The following ZFAND3 variants were observed in gnomAD, a reference collection of about 807,000 sequenced individuals.
ZFAND3 encodes the protein AN1-type zinc finger protein 3.
A neutral mutation model predicts 29.6 loss-of-function variants in ZFAND3; 10 were observed. That is an observed-to-expected ratio of 0.34 (90% confidence interval 0.21 to 0.57). ZFAND3 has a LOEUF of 0.57. Ranked by LOEUF, ZFAND3 falls within the 20% of genes least tolerant of loss-of-function variation. The pLI is 0.86. For synonymous variants in ZFAND3, 128 were observed against 112.6 expected, an observed-to-expected ratio of 1.14 and a Z score of -0.87; for missense variants, 230 against 304.5, an observed-to-expected ratio of 0.76 and a Z score of 1.82.
chr6:37,958,348 G>A (rs1327562543), intron 2 of ZFAND3, among the ~76,000 whole-genome samples: 1 of 150,580 alleles, frequency 6.6e-6, no homozygotes, highest in African/African-American at 2.4e-5. Context: ...CAGCTCCTCG[G>A]GAGGCTGAGG....
At chr6:37,856,826 A>AT (rs1168827663) in intron 1 of ZFAND3, among the ~76,000 whole-genome samples, 6 of 151,886 alleles carry the variant, frequency 4.0e-5, no homozygotes, top group Middle Eastern at 6.8e-3. Flanking sequence ...TTTTATTTTT[A>AT]TTTTTTTTGA....
At chr6:37,976,237 T>C (rs1762475496) in intron 2 of ZFAND3, among the ~76,000 whole-genome samples, 1 of 152,156 alleles carries the variant, frequency 6.6e-6, no homozygotes. Context: ...TATTATTTAT[T>C]CATTGGGTTT....
At chr6:38,114,618 C>T (rs997832170) in intron 4 of ZFAND3, among the ~76,000 whole-genome samples, 5 of 152,196 alleles carry the variant, frequency 3.3e-5, no homozygotes, top group African/African-American at 1.2e-4. Context: ...CAGTACAGCA[C>T]AGCAGGGCTG....
At chr6:37,926,332 CTTCCT>C (rs1761483770) in intron 1 of ZFAND3, among the ~76,000 whole-genome samples, 1 of 152,180 alleles carries the variant, frequency 6.6e-6, no homozygotes, top group Admixed American at 6.5e-5. Context: ...TCTGGGAGGG[CTTCCT>C]TCCCTCCAAG....
intron 2 of ZFAND3, among the ~76,000 whole-genome samples, chr6:38,019,351 C>T (rs1428192939): frequency 1.3e-5 from 2 of 152,148 alleles, no homozygotes; most frequent in African/African-American, 4.8e-5. Flanking sequence ...ATTCAGATTT[C>T]TGTGAATTTT....
chr6:37,827,555 C>T (rs925914389), intron 1 of ZFAND3, among the ~76,000 whole-genome samples: 5 of 152,072 alleles, frequency 3.3e-5, no homozygotes, highest in Non-Finnish European at 7.4e-5. Flanking sequence ...TTCAGGTTAC[C>T]ATATATAGAG....
intron 2 of ZFAND3, among the ~76,000 whole-genome samples, chr6:38,021,166 A>G (rs746331321): frequency 6.6e-6 from 1 of 152,198 alleles, no homozygotes; most frequent in Non-Finnish European, 1.5e-5. Context: ...TTAAAGTTGT[A>G]TATAGCACCC....
chr6:37,977,053 T>C (rs1304008909), intron 2 of ZFAND3, among the ~76,000 whole-genome samples: 1 of 152,206 alleles, frequency 6.6e-6, no homozygotes, highest in Non-Finnish European at 1.5e-5. Flanking sequence ...AGAAATGCAT[T>C]GTTAGGCAAT....
At chr6:38,079,880 T>C (rs139832984) in intron 3 of ZFAND3, among the ~76,000 whole-genome samples, 224 of 152,264 alleles carry the variant, frequency 1.5e-3, no homozygotes, top group Middle Eastern at 0.014. Flanking sequence ...AACTTGTATT[T>C]TAAAAAATGA....
At chr6:38,116,374 G>C (rs1418813787) in intron 4 of ZFAND3, among the ~76,000 whole-genome samples, 198 bp from the exon 5 acceptor site, 1 of 152,176 alleles carries the variant, frequency 6.6e-6, no homozygotes, top group Non-Finnish European at 1.5e-5. Flanking sequence ...GGCCTAGCTT[G>C]TTAGAAGTCA....
At chr6:37,974,383 A>ACT (rs58472302) in intron 2 of ZFAND3, among the ~76,000 whole-genome samples, 32 of 104,492 alleles carry the variant, frequency 3.1e-4, no homozygotes, top group African/African-American at 1.0e-3. Flanking sequence ...TGCATTATAT[A>ACT]CTCTCTCTCT....
chr6:37,879,338 T>TG (rs889338726), intron 1 of ZFAND3, among the ~76,000 whole-genome samples: 117 of 150,084 alleles, frequency 7.8e-4, no homozygotes, highest in African/African-American at 2.7e-3. Context: ...TTTTTTGTTT[T>TG]GTTTTTTTTT....
intron 2 of ZFAND3, among the ~76,000 whole-genome samples, chr6:38,061,169 G>A (rs1581883684): frequency 6.6e-6 from 1 of 152,064 alleles, no homozygotes; most frequent in Non-Finnish European, 1.5e-5. Flanking sequence ...TACCATTACT[G>A]ACATATTTGT....
Position 38,152,866 on chromosome 6 carries a change from CCA to C in ZFAND3, c.*479_*480del. 1.0e-6 allele frequency: 1 copy of C among 986,030 alleles called. No homozygotes were observed. The highest frequency in any genetic ancestry group is 1.7e-5 in the African/African-American group (1 of 57,340). The allele number at this position is 986,030 out of a possible 1,614,324, so 61.1% of individuals were successfully genotyped here. A position where few individuals can be genotyped will look rare whatever the true frequency, so the allele number is the denominator to read the frequency against. ...TCCCAGTAGCCAGGATACCTGATGG[CCA>C]CGTGTGCCTTGGCCACGGGAGGCTG... On this transcript the variant is annotated 3_prime_UTR_variant, in exon 6 of 6. Coordinates refer to ENST00000287218, the MANE Select transcript of ZFAND3 (RefSeq NM_021943.3).
intron 1 of ZFAND3, among the ~76,000 whole-genome samples, chr6:37,922,337 A>T (rs1761397061): frequency 6.6e-6 from 1 of 152,196 alleles, no homozygotes; most frequent in South Asian, 2.1e-4. Context: ...CAGTAGTAAG[A>T]GTGTGACTAC....
At chr6:37,822,433 C>T (rs11752692) in intron 1 of ZFAND3, among the ~76,000 whole-genome samples, 10,239 of 152,256 alleles carry the variant, frequency 0.067, 411 homozygotes, top group Non-Finnish European at 0.085. Context: ...ACATTGCCGC[C>T]TTGTTTCCAT....
Position 38,111,157 on chromosome 6 carries a change from G to A in ZFAND3, c.362-5415G>A, listed in dbSNP as rs188306887. ...AGTCTTAACACTACTTTCTGAGACT[G>A]GCTAGGAAAGTACAATTAGAAGAAT... is the stretch of plus-strand genomic sequence containing the variant. On this transcript the variant is annotated intron_variant, in intron 4 of 5. Transcript: ENST00000287218. Among the ~76,000 whole-genome samples the A allele has an allele frequency of 4.1e-3, 631 of 152,268 alleles. 11 individuals carry two copies. The highest frequency in any genetic ancestry group is 3.7e-3 in the Non-Finnish European group (250 of 68,030).
intron 1 of ZFAND3, among the ~76,000 whole-genome samples, chr6:37,913,343 AT>A (rs1407589058): frequency 1.3e-5 from 2 of 152,306 alleles, no homozygotes; most frequent in African/African-American, 4.8e-5. Flanking sequence ...ATCCTTTGTT[AT>A]TTCAACAGTG....
At chr6:37,996,422 C>T (rs575048869) in intron 2 of ZFAND3, among the ~76,000 whole-genome samples, 1 of 152,134 alleles carries the variant, frequency 6.6e-6, no homozygotes, top group Non-Finnish European at 1.5e-5. Context: ...TGAGGATGCA[C>T]AGAGATTAGT....
Sources: allele counts gnomAD v4.1 joint callset (sites outside exome capture counted in the v4.1 genomes callset), GRCh38; gene constraint gnomAD v4.1.1; transcripts MANE v1.5; gene names NCBI Gene and HGNC (gene_info 2026-07-23, HGNC 2026-07-21).